SOX6: variants seen among roughly 807,000 people sequenced by gnomAD.
SOX6 encodes SRY-box transcription factor 6.
A neutral mutation model predicts 97.8 loss-of-function variants in SOX6; 11 were observed. That is an observed-to-expected ratio of 0.11 (90% CI 0.07 to 0.19). The LOEUF is 0.19. SOX6 is among the 10% of genes least tolerant of loss of function. The pLI, the probability that SOX6 is intolerant of heterozygous loss-of-function variation, is 1.00. For synonymous variants in SOX6, 360 were observed against 371.4 expected (o/e 0.97, Z 0.35); for missense variants, 810 against 1,039.5 (o/e 0.78, Z 3.04).
chr11:16,066,218 C>T (rs902703565), intron 9 of SOX6, among the ~76,000 whole-genome samples: 1 of 152,132 alleles, frequency 6.6e-6, no homozygotes, highest in South Asian at 2.1e-4. Flanking sequence ...ACATTATCAT[C>T]TCACCCCAGT....
chr11:16,053,716 A>G (rs1429156159), intron 10 of SOX6, among the ~76,000 whole-genome samples: 1 of 152,130 alleles, frequency 6.6e-6, no homozygotes, highest in African/African-American at 2.4e-5. Flanking sequence ...GGTACATCAG[A>G]TCATCTATAT....
intron 14 of SOX6, among the ~76,000 whole-genome samples, chr11:15,987,058 C>T (rs949683171): frequency 2.0e-5 from 3 of 152,102 alleles, no homozygotes; most frequent in Non-Finnish European, 4.4e-5. Flanking sequence ...AATAAAAGTA[C>T]AAAAATTTTA....
intron 1 of SOX6, among the ~76,000 whole-genome samples, chr11:16,350,380 T>A (rs1485865078): frequency 6.6e-6 from 1 of 152,186 alleles, no homozygotes; most frequent in Non-Finnish European, 1.5e-5. Context: ...AAACTTAACA[T>A]CATTAAGAGA....
chr11:16,379,670 T>C (rs1183179017), intron 1 of SOX6, among the ~76,000 whole-genome samples: 1 of 152,126 alleles, frequency 6.6e-6, no homozygotes, highest in Non-Finnish European at 1.5e-5. Flanking sequence ...TAGTCAACTT[T>C]CCTGGGGGGC....
At chr11:16,665,921 T>TTA (rs1847804090) in intron 3 of SOX6, among the ~76,000 whole-genome samples, 1 of 152,188 alleles carries the variant, frequency 6.6e-6, no homozygotes, top group Non-Finnish European at 1.5e-5. Context: ...CTTCTAGATC[T>TTA]TATCTAAGAC....
At chr11:16,615,258 T>C (rs1848457192) in intron 3 of SOX6, among the ~76,000 whole-genome samples, 1 of 152,232 alleles carries the variant, frequency 6.6e-6, no homozygotes, top group South Asian at 2.1e-4. Flanking sequence ...CATTTCTTAG[T>C]TGCAGTGGGG....
At chr11:16,718,393 C>T (rs1848234370) in intron 2 of SOX6, among the ~76,000 whole-genome samples, 1 of 152,042 alleles carries the variant, frequency 6.6e-6, no homozygotes, top group African/African-American at 2.4e-5. Context: ...TTAATGTGCC[C>T]ACTTATGCTT....
chr11:16,090,308 A>T (rs1848657914), intron 9 of SOX6, among the ~76,000 whole-genome samples: 2 of 152,108 alleles, frequency 1.3e-5, no homozygotes, highest in African/African-American at 4.8e-5. Context: ...AACAGAGCTT[A>T]TGTGAGAAGA....
intron 3 of SOX6, among the ~76,000 whole-genome samples, chr11:16,268,056 G>C (rs1854136172): frequency 6.6e-6 from 1 of 151,360 alleles, no homozygotes; most frequent in Non-Finnish European, 1.5e-5. Flanking sequence ...GGGAAATGGA[G>C]AGATGGCAAT....
chr11:16,046,346 A>G (rs1332147659), intron 12 of SOX6, among the ~76,000 whole-genome samples, 168 bp downstream of exon 12: 1 of 152,194 alleles, frequency 6.6e-6, no homozygotes, highest in East Asian at 1.9e-4. Context: ...TTAATCAACA[A>G]TAATGCTTAC....
At chr11:16,140,187 G>A (rs1281604310) in intron 6 of SOX6, among the ~76,000 whole-genome samples, 2 of 151,952 alleles carry the variant, frequency 1.3e-5, no homozygotes, top group South Asian at 2.1e-4. Context: ...CTCTTGTTAA[G>A]CCACCACTAT....
At chr11:16,397,543 C>T (rs1858396369) in intron 1 of SOX6, 1 of 151,948 alleles carries the variant, frequency 6.6e-6, no homozygotes, top group Non-Finnish European at 1.5e-5. Flanking sequence ...CATATTTCTT[C>T]TCTAGCTGGA....
At chr11:16,708,422 T>C (rs1848153078) in intron 3 of SOX6, among the ~76,000 whole-genome samples, 1 of 152,206 alleles carries the variant, frequency 6.6e-6, no homozygotes, top group Admixed American at 6.5e-5. Flanking sequence ...GATAGTTTGA[T>C]GGTATAGGTG....
intron 6 of SOX6, among the ~76,000 whole-genome samples, chr11:16,162,504 C>G (rs1850775966): frequency 1.3e-5 from 2 of 152,134 alleles, no homozygotes; most frequent in South Asian, 2.1e-4. Context: ...AGTGAGTTCT[C>G]ATGAAATCTG....
Position 16,188,202 on chromosome 11 carries a change from G to A in SOX6, c.536-1247C>T, listed in dbSNP as rs887303314. Among the ~76,000 whole-genome samples, 6 of 142,914 alleles carry A rather than the reference G, an allele frequency of 4.2e-5. No homozygotes were observed. In the South Asian group the frequency reaches 6.7e-4, roughly 16 times the overall value. 93.8% of individuals were successfully genotyped at this position (142,914 alleles called of 152,430 possible). ...AGAAGCTACCACATTTAGGACTATCGTGGGATTCTTAATGTCAACTCAGGT... is the reference window on the plus strand; with the variant it reads ...AGAAGCTACCACATTTAGGACTATCATGGGATTCTTAATGTCAACTCAGGT... On this transcript the variant is annotated intron_variant, in intron 4 of 15. Transcript: ENST00000683767.
At chr11:15,976,400 T>C (rs775915210) in intron 15 of SOX6, among the ~76,000 whole-genome samples, 2 of 152,204 alleles carry the variant, frequency 1.3e-5, no homozygotes, top group Non-Finnish European at 2.9e-5. Context: ...TTGACAGGAC[T>C]GTGAAGATTA....
At chr11:16,153,394 C>T (rs1035904134) in intron 6 of SOX6, among the ~76,000 whole-genome samples, 9 of 151,998 alleles carry the variant, frequency 5.9e-5, no homozygotes, top group African/African-American at 1.2e-4. Flanking sequence ...ATTTGTTTGG[C>T]GATATGTCAT....
chr11:16,353,150 T>G (rs1419590152), intron 1 of SOX6, among the ~76,000 whole-genome samples: 1 of 152,030 alleles, frequency 6.6e-6, no homozygotes, highest in East Asian at 1.9e-4. Flanking sequence ...AGATCCAATT[T>G]CTACCTTCCA....
intron 3 of SOX6, among the ~76,000 whole-genome samples, chr11:16,272,870 GTTATT>G (rs1330492712): frequency 6.6e-6 from 1 of 151,852 alleles, no homozygotes; most frequent in African/African-American, 2.4e-5. Context: ...CTAGCACAAT[GTTATT>G]TTGAGTAGCA....
Sources: gnomAD v4.1 joint callset for allele counts (sites outside exome capture counted in the v4.1 genomes callset) on GRCh38, gnomAD v4.1.1 for gene constraint, MANE v1.5 for transcripts, NCBI Gene and HGNC (gene_info 2026-07-23, HGNC 2026-07-21) for gene names.